LIN7A: variants seen among roughly 807,000 people sequenced by gnomAD.
The protein encoded by LIN7A is protein lin-7 homolog A.
In LIN7A, 25 loss-of-function variants were observed where a neutral mutation model predicts 29.8. The observed-to-expected ratio is 0.84, with a 90% CI of 0.61 to 1.17. The LOEUF (loss-of-function observed/expected upper bound fraction) is 1.17, where lower values mean the gene tolerates loss of function less well. LIN7A is among the 50% of genes most tolerant of loss of function. LIN7A has a pLI of 0.00. For synonymous variants in LIN7A, 118 were observed against 107.5 expected, an observed-to-expected ratio of 1.10 and a Z score of -0.60; for missense variants, 239 against 287.0, an observed-to-expected ratio of 0.83 and a Z score of 1.21.
intron 1 of LIN7A, among the ~76,000 whole-genome samples, chr12:80,911,412 G>T (rs1876742907): frequency 6.6e-6 from 1 of 151,816 alleles, no homozygotes; most frequent in Admixed American, 6.6e-5. Context: ...ACTGGGTCTG[G>T]CTTGGAAATG....
intron 1 of LIN7A, among the ~76,000 whole-genome samples, chr12:80,908,097 G>T (rs1876578259): frequency 6.6e-6 from 1 of 152,036 alleles, no homozygotes; most frequent in African/African-American, 2.4e-5. Flanking sequence ...CCAGTACAAA[G>T]ATACTTGAAT....
At chr12:80,857,161 T>C (rs549858976) in intron 2 of LIN7A, among the ~76,000 whole-genome samples, 1 of 152,300 alleles carries the variant, frequency 6.6e-6, no homozygotes, top group African/African-American at 2.4e-5. Context: ...TTGGAGCCGA[T>C]ACAGCTAGTC....
intron 5 of LIN7A, among the ~76,000 whole-genome samples, chr12:80,804,384 A>C (rs540630061): frequency 1.7e-3 from 252 of 149,786 alleles, no homozygotes; most frequent in Non-Finnish European, 3.1e-3. Context: ...TATCCTTCCC[A>C]GCCTCTGGTA....
chr12:80,874,784 T>C (rs570882353), intron 2 of LIN7A, among the ~76,000 whole-genome samples: 3 of 152,136 alleles, frequency 2.0e-5, no homozygotes, highest in Non-Finnish European at 2.9e-5. Context: ...GAGATCGAGA[T>C]CATCCTGGCT....
intron 2 of LIN7A, among the ~76,000 whole-genome samples, chr12:80,874,455 T>G (rs928047036): frequency 6.6e-6 from 1 of 152,216 alleles, no homozygotes; most frequent in African/African-American, 2.4e-5. Flanking sequence ...ATACAATGAT[T>G]AGTAACTAAA....
At chr12:80,863,397 C>T (rs1873973634) in intron 2 of LIN7A, among the ~76,000 whole-genome samples, 1 of 152,184 alleles carries the variant, frequency 6.6e-6, no homozygotes, top group South Asian at 2.1e-4. Context: ...TACAAAAAGA[C>T]AGTCAATGTG....
At chr12:80,919,190 A>G (rs192005741) in intron 1 of LIN7A, among the ~76,000 whole-genome samples, 1 of 152,346 alleles carries the variant, frequency 6.6e-6, no homozygotes, top group Admixed American at 6.5e-5. Context: ...TAACCACGCT[A>G]CAAAAGTGCT....
chr12:80,859,379 T>C (rs1180673933), intron 2 of LIN7A, among the ~76,000 whole-genome samples: 2 of 152,148 alleles, frequency 1.3e-5, no homozygotes, highest in East Asian at 3.8e-4. Context: ...TTTGAGTCAT[T>C]TTGTGATCTC....
chr12:80,880,537 C>A (rs576068011), intron 2 of LIN7A, among the ~76,000 whole-genome samples: 1 of 152,104 alleles, frequency 6.6e-6, no homozygotes. Context: ...GGCAAAGCAT[C>A]TTTTTAGAAT....
intron 1 of LIN7A, among the ~76,000 whole-genome samples, chr12:80,914,930 C>CCTAG (rs1272165207): frequency 6.6e-6 from 1 of 151,736 alleles, no homozygotes; most frequent in African/African-American, 2.4e-5. Context: ...CGCTTGTGGT[C>CCTAG]CTAGCTAGTC....
chr12:80,889,800 G>A (rs919148589), intron 1 of LIN7A, among the ~76,000 whole-genome samples: 1 of 152,102 alleles, frequency 6.6e-6, no homozygotes, highest in African/African-American at 2.4e-5. Flanking sequence ...GGATTGCTGT[G>A]TATCTCCGCA....
At chr12:80,872,443 A>G (rs768729436) in intron 2 of LIN7A, among the ~76,000 whole-genome samples, 1 of 152,164 alleles carries the variant, frequency 6.6e-6, no homozygotes, top group Non-Finnish European at 1.5e-5. Flanking sequence ...TTTGAATCAC[A>G]CTCATAATTA....
Position 80,792,981 on chromosome 12 carries a change from T to C in LIN7A, c.*4746A>G, listed in dbSNP as rs1870273040. 6.6e-6 allele frequency: 1 copy of C among 152,198 alleles called. No homozygotes were observed. Among genetic ancestry groups the C allele is most frequent in the Non-Finnish European group, 1.5e-5 (1 of 68,026 alleles). 9.4% of individuals were successfully genotyped at this position (152,198 alleles called of 1,614,324 possible). ...TTTACCATGAATAATACTTTGTTAA[T>C]ATCTTTTGTATATTACTTTACAATT... On this transcript the variant is annotated 3_prime_UTR_variant, in exon 6 of 6. Coordinates refer to ENST00000552864, the MANE Select transcript of LIN7A (RefSeq NM_004664.4).
At chr12:80,913,603 T>C (rs1876876928) in intron 1 of LIN7A, among the ~76,000 whole-genome samples, 2 of 152,204 alleles carry the variant, frequency 1.3e-5, no homozygotes, top group Admixed American at 1.3e-4. Context: ...AATCACCGAC[T>C]GCTCAAGTAC....
intron 2 of LIN7A, among the ~76,000 whole-genome samples, chr12:80,885,936 T>A (rs529882157): frequency 1.3e-5 from 2 of 152,086 alleles, no homozygotes; most frequent in Non-Finnish European, 2.9e-5. Flanking sequence ...GCAATAAAAA[T>A]ATTTTTGGCA....
At position 80,918,285 on chromosome 12, in the gene LIN7A, G is replaced by A. The variant is rs558011477; in HGVS notation, c.82+19356C>T. Among the ~76,000 whole-genome samples, 3 of 151,768 alleles carry A rather than the reference G, an allele frequency of 2.0e-5. No individual in the cohort carries two copies. The East Asian group carries it at 5.8e-4, about 29-fold the overall frequency. On this transcript the variant is annotated intron_variant, in intron 1 of 5. Transcript: ENST00000552864. The stretch of plus-strand genomic sequence containing the variant: ...TGGTCTCAAACTCCTGAGCTCAAGC[G>A]ATCCTACCCATGTTGGCCTCCCACA...
chr12:80,877,339 T>C (rs2701273), intron 2 of LIN7A, among the ~76,000 whole-genome samples: 103,177 of 151,494 alleles, frequency 0.68, 38,984 homozygotes, highest in Non-Finnish European at 0.87. Context: ...AAAGGAATAT[T>C]ACACAGCAGC....
chr12:80,928,395 T>A (rs1009968323), intron 1 of LIN7A, among the ~76,000 whole-genome samples: 2 of 152,186 alleles, frequency 1.3e-5, no homozygotes, highest in African/African-American at 4.8e-5. Context: ...ATGATCGCCA[T>A]TCTAACTGGT....
chr12:80,807,083 T>TTTTTTTTTTGTTTTTG (rs1555221413), intron 5 of LIN7A, among the ~76,000 whole-genome samples: 2 of 137,250 alleles, frequency 1.5e-5, no homozygotes, highest in Non-Finnish European at 3.1e-5. Context: ...TTTTTTTTTT[T>TTTTTTTTTTGTTTTTG]TTTTTTTTGA....
Sources: allele counts gnomAD v4.1 joint callset (sites outside exome capture counted in the v4.1 genomes callset), GRCh38; gene constraint gnomAD v4.1.1; transcripts MANE v1.5; gene names NCBI Gene and HGNC (gene_info 2026-07-23, HGNC 2026-07-21).